The following SELENOF variants were observed in gnomAD, a reference collection of about 807,000 sequenced individuals.
SELENOF encodes the protein selenoprotein F.
A neutral mutation model predicts 20.5 loss-of-function variants in SELENOF; 16 were observed. The observed-to-expected ratio is 0.78, with a 90% CI of 0.53 to 1.19. The LOEUF is 1.19. Among genes scored for constraint, SELENOF ranks in the 50% most tolerant of loss-of-function variants. The pLI is 0.00. For synonymous variants in SELENOF, 78 were observed against 74.5 expected (o/e 1.05, Z -0.24); for missense variants, 215 against 194.2 (o/e 1.11, Z -0.64).
At position 86,880,464 on chromosome 1, in the gene SELENOF, GT is replaced by G. The variant is rs535602310; in HGVS notation, c.316+197del. ...CTGGCCTCTAAATTTCATATATTGT[GT>G]TTTTTTTAAAGTAACATAGCATTCA... On this transcript the variant is annotated intron_variant, in intron 3 of 4. Transcript: ENST00000331835. 3.8e-3 allele frequency among the ~76,000 whole-genome samples: 579 copies of G among 151,578 alleles called. 4 individuals are homozygous for G. Among genetic ancestry groups the G allele is most frequent in the Middle Eastern group, 0.021 (6 of 288 alleles).
At chr1:86,896,817 A>G (rs190218571) in intron 2 of SELENOF, among the ~76,000 whole-genome samples, 4 of 152,344 alleles carry the variant, frequency 2.6e-5, no homozygotes, top group Non-Finnish European at 4.4e-5. Flanking sequence ...TTTTAAAAAT[A>G]TATTTCAGGA....
chr1:86,871,834 T>G, intron 3 of SELENOF, among the ~76,000 whole-genome samples: 1 of 152,228 alleles, frequency 6.6e-6, no homozygotes, highest in East Asian at 1.9e-4. Flanking sequence ...TTCTTCTGAC[T>G]TGATCACATT....
chr1:86,877,020 T>C (rs1658939998), intron 3 of SELENOF, among the ~76,000 whole-genome samples: 1 of 152,200 alleles, frequency 6.6e-6, no homozygotes, highest in Non-Finnish European at 1.5e-5. Context: ...TATGAGTATA[T>C]AAATGTTTGA....
At chr1:86,886,082 A>C (rs1191795385) in intron 2 of SELENOF, among the ~76,000 whole-genome samples, 1 of 152,154 alleles carries the variant, frequency 6.6e-6, no homozygotes, top group Non-Finnish European at 1.5e-5. Flanking sequence ...GGCCACTCCA[A>C]ATTTTCTCAA....
chr1:86,877,927 C>T (rs1380647053), intron 3 of SELENOF, among the ~76,000 whole-genome samples: 1 of 151,868 alleles, frequency 6.6e-6, no homozygotes, highest in Non-Finnish European at 1.5e-5. Flanking sequence ...TTTGCCAAGC[C>T]CATACAAAAT....
rs562586050 is a variant in SELENOF, at chr1:86,884,889, C to A, written c.253-4164G>T. ...TCATTAGGAAAATATGAGAACGATACACAAACTGCATCTTTTCCCTTTGGA... is the reference window on the plus strand; with the variant it reads ...TCATTAGGAAAATATGAGAACGATAAACAAACTGCATCTTTTCCCTTTGGA... On this transcript the variant is annotated intron_variant, in intron 2 of 4. Coordinates refer to ENST00000331835, the MANE Select transcript of SELENOF (RefSeq NM_004261.5). Among the ~76,000 whole-genome samples the A allele has an allele frequency of 5.3e-5, 8 of 152,234 alleles. No individual in the cohort carries two copies. In the South Asian group the frequency reaches 1.7e-3, roughly 32 times the overall value.
chr1:86,890,541 G>A (rs1322079392), intron 2 of SELENOF, among the ~76,000 whole-genome samples: 1 of 152,110 alleles, frequency 6.6e-6, no homozygotes, highest in Non-Finnish European at 1.5e-5. Context: ...CCAAGCTGGA[G>A]TGAAGTGGTG....
chr1:86,879,024 A>G (rs1658994223), intron 3 of SELENOF, among the ~76,000 whole-genome samples: 1 of 152,196 alleles, frequency 6.6e-6, no homozygotes, highest in Non-Finnish European at 1.5e-5. Flanking sequence ...CCAAGGTTTG[A>G]TAATTTACAT....
chr1:86,903,871 C>T (rs1052446817), intron 1 of SELENOF, among the ~76,000 whole-genome samples: 9 of 152,290 alleles, frequency 5.9e-5, no homozygotes, highest in African/African-American at 1.2e-4. Context: ...TGAGCCACCT[C>T]GCCCAGCAAT....
intron 2 of SELENOF, among the ~76,000 whole-genome samples, chr1:86,896,602 G>A (rs1235066605): frequency 6.6e-6 from 1 of 152,084 alleles, no homozygotes; most frequent in East Asian, 1.9e-4. Context: ...TACCTATTAA[G>A]GTGAGTGGTC....
chr1:86,863,897 C>G (rs1658528279), intron 4 of SELENOF, among the ~76,000 whole-genome samples: 2 of 152,160 alleles, frequency 1.3e-5, no homozygotes, highest in African/African-American at 4.8e-5. Context: ...TCACTGCAAC[C>G]TCCACCTCCC....
chr1:86,877,189 G>A (rs1357967304), intron 3 of SELENOF, among the ~76,000 whole-genome samples: 1 of 152,022 alleles, frequency 6.6e-6, no homozygotes, highest in Non-Finnish European at 1.5e-5. Context: ...TGTTTTTGGT[G>A]GTGCCAGACA....
intron 2 of SELENOF, among the ~76,000 whole-genome samples, chr1:86,888,726 C>T (rs532002294): frequency 9.8e-5 from 15 of 152,346 alleles, no homozygotes; most frequent in African/African-American, 1.7e-4. Flanking sequence ...TGCAGTGGTG[C>T]GATCTCGGCT....
chr1:86,887,267 T>C (rs1235005537), intron 2 of SELENOF: 5 of 1,477,850 alleles, frequency 3.4e-6, no homozygotes, highest in African/African-American at 2.8e-5. Context: ...AATTCTCCAA[T>C]ACTATATCTG....
At chr1:86,884,370 CACACACATAT>C (rs1353712462) in intron 2 of SELENOF, among the ~76,000 whole-genome samples, 9 of 151,626 alleles carry the variant, frequency 5.9e-5, no homozygotes, top group Non-Finnish European at 8.8e-5. Flanking sequence ...CACACACACA[CACACACATAT>C]ACACACACAT....
At chr1:86,864,094 C>A (rs1465572180) in intron 4 of SELENOF, among the ~76,000 whole-genome samples, 1 of 152,184 alleles carries the variant, frequency 6.6e-6, no homozygotes, top group African/African-American at 2.4e-5. Context: ...TGAATGGAGG[C>A]AGACAAGTTC....
chr1:86,897,750 AT>A (rs1393499408), intron 2 of SELENOF, among the ~76,000 whole-genome samples: 2 of 152,294 alleles, frequency 1.3e-5, no homozygotes, highest in Non-Finnish European at 1.5e-5. Flanking sequence ...TTTCAAAAAA[AT>A]TTTTTGAAAG....
rs746219321 is a variant in SELENOF, at chr1:86,868,059, T to A, written c.360A>T (p.Gln120His). 1 of 1,498,088 alleles carries A rather than the reference T, an allele frequency of 6.7e-7. No individual in the cohort carries two copies. Among genetic ancestry groups the A allele is most frequent in the South Asian group, 1.3e-5 (1 of 75,538 alleles). The allele number at this position is 1,498,088 out of a possible 1,614,324, so 92.8% of individuals were successfully genotyped here. Residue 120 changes from glutamine (Q) to histidine (H), a missense_variant, in exon 4 of 5, where the codon CAA (glutamine) becomes CAT (histidine). Physicochemically the swap from Gln to His is conservative, Grantham distance 24. Transcript: ENST00000331835. ...TCCACTACAATCACCTTACCTTGAT[T>A]TGCAGTCCTCTGAACAGTTTGGGTT... ...SDKPKLFRGL[Q>H]IKYVRGSDPV...
At chr1:86,877,509 T>C (rs1002437784) in intron 3 of SELENOF, among the ~76,000 whole-genome samples, 8 of 152,222 alleles carry the variant, frequency 5.3e-5, no homozygotes, top group Admixed American at 2.0e-4. Flanking sequence ...ATCTTGGGGA[T>C]AGGACCCAAA....
Sources: allele counts gnomAD v4.1 joint callset (sites outside exome capture counted in the v4.1 genomes callset), GRCh38; gene constraint gnomAD v4.1.1; transcripts MANE v1.5; gene names NCBI Gene and HGNC (gene_info 2026-07-23, HGNC 2026-07-21).